HAGH: variants seen among roughly 807,000 people sequenced by gnomAD.
The protein encoded by HAGH is hydroxyacylglutathione hydrolase, mitochondrial.
HAGH carries 29 observed loss-of-function variants against 35.1 expected under a neutral mutation model. That is an observed-to-expected ratio of 0.83 (90% CI 0.62 to 1.13). HAGH has a LOEUF of 1.13. HAGH is among the 50% of genes most tolerant of loss of function. The pLI, the probability that HAGH is intolerant of heterozygous loss-of-function variation, is 0.00. For synonymous variants in HAGH, 225 were observed against 176.1 expected (o/e 1.28, Z -2.20); for missense variants, 478 against 419.6 (o/e 1.14, Z -1.22).
rs12920937 is a variant in HAGH at position 1,826,803 on chromosome 16, G to C, written c.-16C>G. 10 of 1,220,856 alleles carry C rather than the reference G, an allele frequency of 8.2e-6. No individual in the cohort carries two copies. The highest frequency in any genetic ancestry group is 3.3e-5 in the East Asian group (1 of 30,740). The allele number at this position is 1,220,856 out of a possible 1,614,324, so 75.6% of individuals were successfully genotyped here. On this transcript the variant is annotated 5_prime_UTR_variant, in exon 1 of 9. Coordinates refer to ENST00000397356, the MANE Select transcript of HAGH (RefSeq NM_005326.6). The stretch of plus-strand genomic sequence containing the variant: ...CCACCACCATGACCCGGGCCGGGCT[G>C]GACTGCCGAGCTGCCCAGGACTGCA...
Position 1,824,699 on chromosome 16 carries a change from G to A in HAGH, c.77-1662C>T, listed in dbSNP as rs113931246. Reference sequence around the variant, plus strand: ...CAGGGCCCACCGAAATGCGGAATCCGACCTTATTTCCACAGCCGGGGAAAC... The same window carrying A: ...CAGGGCCCACCGAAATGCGGAATCCAACCTTATTTCCACAGCCGGGGAAAC... On this transcript the variant is annotated intron_variant, in intron 1 of 8. Coordinates refer to ENST00000397356, the MANE Select transcript of HAGH (RefSeq NM_005326.6). 5.9e-5 allele frequency among the ~76,000 whole-genome samples: 9 copies of A among 152,190 alleles called. No homozygotes were observed. The East Asian group carries it at 1.4e-3, about 23-fold the overall frequency.
In HAGH at chr16:1,826,807, T is replaced by G. The variant is rs987853128; in HGVS notation, c.-20A>C. 3.0e-5 allele frequency: 36 copies of G among 1,216,700 alleles called. No individual in the cohort carries two copies. The highest frequency in any genetic ancestry group is 1.2e-4 in the South Asian group (3 of 26,000). 75.4% of individuals were successfully genotyped at this position (1,216,700 alleles called of 1,614,324 possible). The stretch of plus-strand genomic sequence containing the variant: ...CACCATGACCCGGGCCGGGCTGGAC[T>G]GCCGAGCTGCCCAGGACTGCAAAAC... On this transcript the variant is annotated 5_prime_UTR_variant, in exon 1 of 9. Transcript: ENST00000397356.
intron 4 of HAGH, 23 bp from the exon 5 acceptor site, chr16:1,819,246 G>A (rs528258297): frequency 1.6e-5 from 24 of 1,489,042 alleles, no homozygotes; most frequent in Middle Eastern, 1.7e-4. Flanking sequence ...AGGCGACCGC[G>A]TGTGCTCCCA....
chr16:1,817,642 C>T (rs1197962162), intron 5 of HAGH, among the ~76,000 whole-genome samples: 1 of 152,240 alleles, frequency 6.6e-6, no homozygotes, highest in Non-Finnish European at 1.5e-5. Flanking sequence ...CAGCAGCCAG[C>T]GCCACCCTGT....
chr16:1,822,247 C>T (rs370531794), intron 3 of HAGH, 53 bp downstream of exon 3: 10 of 1,218,142 alleles, frequency 8.2e-6, no homozygotes, highest in African/African-American at 3.0e-5. Context: ...CTAAACCCAC[C>T]GGGGCGAGAA....
chr16:1,811,963 G>A (rs1169000227), intron 7 of HAGH, among the ~76,000 whole-genome samples: 1 of 152,124 alleles, frequency 6.6e-6, no homozygotes, highest in African/African-American at 2.4e-5. Context: ...GGCCAAGGCA[G>A]GAGGATCACT....
At chr16:1,819,278 C>T in intron 4 of HAGH, 55 bp from the exon 5 acceptor site, 1 of 1,203,060 alleles carries the variant, frequency 8.3e-7, no homozygotes, top group South Asian at 1.3e-5. Flanking sequence ...GAGCCATCTC[C>T]CGGGGTCACG....
At chr16:1,826,867 G>A (rs1055182178), upstream of HAGH, 16 of 859,050 alleles carry the variant, frequency 1.9e-5, no homozygotes, top group East Asian at 3.7e-4. Flanking sequence ...ATCAGCGCCC[G>A]CCTCGCGCTG....
chr16:1,826,226 T>TCGGG (rs1245260320), intron 1 of HAGH, among the ~76,000 whole-genome samples: 2 of 151,328 alleles, frequency 1.3e-5, no homozygotes, highest in African/African-American at 4.9e-5. Context: ...CGCGACCACC[T>TCGGG]CGGGCGAATG....
upstream of HAGH, chr16:1,827,080 G>A (rs1197221956): frequency 1.8e-6 from 2 of 1,101,846 alleles, no homozygotes; most frequent in Non-Finnish European, 2.5e-6. Flanking sequence ...ATCCCTGGAG[G>A]CCGAGCGCCA....
At chr16:1,822,835 G>A (rs1480686208) in intron 2 of HAGH, 30 bp downstream of exon 2, 4 of 1,598,844 alleles carry the variant, frequency 2.5e-6, no homozygotes, top group South Asian at 1.1e-5. Flanking sequence ...GGTGACCAGG[G>A]CAGGGAGAGC....
At chr16:1,820,701 C>T (rs759061306) in intron 3 of HAGH, among the ~76,000 whole-genome samples, 39 of 152,266 alleles carry the variant, frequency 2.6e-4, no homozygotes, top group Non-Finnish European at 4.7e-4. Context: ...CAGACTCCTT[C>T]GTGTGCCTCC....
chr16:1,818,756 A>G, intron 5 of HAGH: 1 of 219,806 alleles, frequency 4.5e-6, no homozygotes, highest in South Asian at 6.7e-5. Flanking sequence ...CCCCCAGACT[A>G]GCACAGGTCC....
chr16:1,812,391 C>G (rs200432857), intron 7 of HAGH: 1 of 149,136 alleles, frequency 6.7e-6, no homozygotes, highest in Non-Finnish European at 1.5e-5. Flanking sequence ...GTAGTCCCAG[C>G]TACTTGGGAG....
rs549208220 is a variant in HAGH, at chr16:1,812,949, A to G, written c.748-3116T>C. On this transcript the variant is annotated intron_variant, in intron 7 of 8. Coordinates refer to ENST00000397356, the MANE Select transcript of HAGH (RefSeq NM_005326.6). ...TGTGCCCACGCCTTCCCAGCAGGAAAGCAAACACCACAAGCACCGGGGAAG... is the reference window on the plus strand; with the variant it reads ...TGTGCCCACGCCTTCCCAGCAGGAAGGCAAACACCACAAGCACCGGGGAAG... 9.2e-5 allele frequency among the ~76,000 whole-genome samples: 14 copies of G among 152,330 alleles called. No homozygotes were observed. The South Asian group carries it at 1.4e-3, about 16-fold the overall frequency.
chr16:1,817,524 C>T, intron 5 of HAGH, among the ~76,000 whole-genome samples: 1 of 150,158 alleles, frequency 6.7e-6, no homozygotes, highest in East Asian at 2.0e-4. Flanking sequence ...CCTCACTGCC[C>T]CCAATCCCAC....
chr16:1,818,981 C>T (rs1898025974), intron 5 of HAGH, 134 bp downstream of exon 5: 1 of 643,938 alleles, frequency 1.6e-6, no homozygotes, highest in Non-Finnish European at 2.8e-6. Context: ...CATGAGGCTC[C>T]CCAGCACCCA....
intron 3 of HAGH, among the ~76,000 whole-genome samples, chr16:1,820,233 C>G (rs1898095166): frequency 6.6e-6 from 1 of 150,440 alleles, no homozygotes; most frequent in Non-Finnish European, 1.5e-5. Context: ...CTGGGGTTAC[C>G]ACCTGCACGT....
Position 1,809,222 on chromosome 16 carries a change from C to G in HAGH, c.*61G>C, listed in dbSNP as rs574280450. The G allele has an allele frequency of 8.8e-6, 10 of 1,138,088 alleles. No homozygotes were observed. The African/African-American group carries it at 1.4e-4, about 16-fold the overall frequency. The allele number at this position is 1,138,088 out of a possible 1,614,324, so 70.5% of individuals were successfully genotyped here. On this transcript the variant is annotated 3_prime_UTR_variant, in exon 9 of 9. Coordinates refer to ENST00000397356, the MANE Select transcript of HAGH (RefSeq NM_005326.6). ...AGACTGAATTTCCCGCACGGACCAG[C>G]AGGAAAGCCAGTTACCTAAAAGAGC... is the stretch of plus-strand genomic sequence containing the variant.
Sources: allele counts gnomAD v4.1 joint callset (sites outside exome capture counted in the v4.1 genomes callset), GRCh38; gene constraint gnomAD v4.1.1; transcripts MANE v1.5; gene names NCBI Gene and HGNC (gene_info 2026-07-23, HGNC 2026-07-21).